The following BACH2 variants were observed in gnomAD, a reference collection of about 807,000 sequenced individuals.
The protein encoded by BACH2 is transcription regulator protein BACH2.
Under a neutral mutation model 61.8 loss-of-function variants are expected in BACH2, and 5 were observed. The ratio of observed to expected loss-of-function variants is 0.08; its 90% CI spans 0.04 to 0.17. The LOEUF is 0.17. BACH2 is among the 10% of genes least tolerant of loss of function. The pLI, the probability that BACH2 is intolerant of heterozygous loss-of-function variation, is 1.00. For missense variants in BACH2, 824 were observed against 1,091.1 expected, an observed-to-expected ratio of 0.76 and a Z score of 3.45; for synonymous variants, 446 against 440.1, an observed-to-expected ratio of 1.01 and a Z score of -0.17.
rs140360888 is a variant in BACH2 at position 89,947,963 on chromosome 6, T to C, written c.1836+2307A>G. 6.8e-3 allele frequency among the ~76,000 whole-genome samples: 1,032 copies of C among 152,312 alleles called. 12 individuals carry two copies. The highest frequency in any genetic ancestry group is 0.024 in the African/African-American group (988 of 41,566). On this transcript the variant is annotated intron_variant, in intron 7 of 8. Coordinates refer to ENST00000257749, the MANE Select transcript of BACH2 (RefSeq NM_021813.4). ...AGGCTAGTCCTGTTCATGACTATTTTACAGGTTGAATGAGTCCTCCTTTTA... is the reference window on the plus strand; with the variant it reads ...AGGCTAGTCCTGTTCATGACTATTTCACAGGTTGAATGAGTCCTCCTTTTA...
chr6:90,196,488 TC>T (rs1194109908), intron 4 of BACH2, among the ~76,000 whole-genome samples: 1 of 152,226 alleles, frequency 6.6e-6, no homozygotes, highest in Non-Finnish European at 1.5e-5. Context: ...ATATTCCTTT[TC>T]TTATCTTCAA....
chr6:89,942,859 T>C (rs762287810), intron 7 of BACH2, among the ~76,000 whole-genome samples: 2 of 152,190 alleles, frequency 1.3e-5, no homozygotes, highest in African/African-American at 2.4e-5. Context: ...GTGTTGACTC[T>C]TCCCCCTCTG....
intron 3 of BACH2, among the ~76,000 whole-genome samples, chr6:90,243,975 G>A (rs559625907): frequency 3.3e-5 from 5 of 152,308 alleles, no homozygotes; most frequent in South Asian, 2.1e-4. Flanking sequence ...AGGCTGGAGT[G>A]CAGTGGCATG....
chr6:90,258,429 T>C (rs915137632), intron 2 of BACH2, among the ~76,000 whole-genome samples: 2 of 152,200 alleles, frequency 1.3e-5, no homozygotes, highest in African/African-American at 4.8e-5. Context: ...TATGTGTCTG[T>C]TTTTATGCCT....
At chr6:90,062,244 C>T (rs1425460227) in intron 5 of BACH2, among the ~76,000 whole-genome samples, 1 of 152,182 alleles carries the variant, frequency 6.6e-6, no homozygotes, top group Admixed American at 6.5e-5. Flanking sequence ...GACTTGGGAG[C>T]TGAGTAATCT....
chr6:90,253,395 G>A (rs1048748099), intron 2 of BACH2, among the ~76,000 whole-genome samples: 1 of 152,162 alleles, frequency 6.6e-6, no homozygotes, highest in Non-Finnish European at 1.5e-5. Flanking sequence ...AGATAACTTT[G>A]AAAAAGACTT....
intron 4 of BACH2, among the ~76,000 whole-genome samples, chr6:90,115,275 T>C (rs1310066074): frequency 2.0e-5 from 3 of 152,054 alleles, no homozygotes; most frequent in Non-Finnish European, 4.4e-5. Flanking sequence ...CAAACTACAA[T>C]ATAAGGCTAT....
intron 4 of BACH2, among the ~76,000 whole-genome samples, chr6:90,118,345 A>G (rs1783487266): frequency 6.6e-6 from 1 of 152,206 alleles, no homozygotes; most frequent in Non-Finnish European, 1.5e-5. Flanking sequence ...ATACTCCACA[A>G]GTAAATATCC....
intron 5 of BACH2, among the ~76,000 whole-genome samples, chr6:90,013,602 G>A (rs1358497569): frequency 6.6e-6 from 1 of 151,084 alleles, no homozygotes; most frequent in African/African-American, 2.4e-5. Flanking sequence ...TGCCTCCTGG[G>A]TTCACGCCAT....
intron 5 of BACH2, among the ~76,000 whole-genome samples, chr6:90,027,087 C>A (rs1379807767): frequency 6.6e-6 from 1 of 152,112 alleles, no homozygotes; most frequent in South Asian, 2.1e-4. Context: ...ATGATGAAAA[C>A]CATGAGGCTA....
At chr6:89,999,379 T>C (rs1777012680) in intron 6 of BACH2, among the ~76,000 whole-genome samples, 1 of 151,908 alleles carries the variant, frequency 6.6e-6, no homozygotes, top group African/African-American at 2.4e-5. Context: ...GACAATGGCT[T>C]GCTGCCAGTT....
At chr6:90,095,585 T>G (rs1782348529) in intron 4 of BACH2, among the ~76,000 whole-genome samples, 1 of 152,194 alleles carries the variant, frequency 6.6e-6, no homozygotes, top group South Asian at 2.1e-4. Context: ...AGATTTTCAC[T>G]TCTATCATAA....
At chr6:90,191,251 C>G (rs1768560161) in intron 4 of BACH2, among the ~76,000 whole-genome samples, 1 of 152,182 alleles carries the variant, frequency 6.6e-6, no homozygotes, top group African/African-American at 2.4e-5. Flanking sequence ...TTCTAAAGAA[C>G]TCTAATTTGG....
At chr6:90,095,688 T>A (rs1219838600) in intron 4 of BACH2, among the ~76,000 whole-genome samples, 1 of 152,092 alleles carries the variant, frequency 6.6e-6, no homozygotes, top group Non-Finnish European at 1.5e-5. Flanking sequence ...TTTGAAATAA[T>A]TCTTGGATTT....
chr6:90,244,614 G>A (rs989167720), intron 3 of BACH2, among the ~76,000 whole-genome samples: 4 of 152,110 alleles, frequency 2.6e-5, no homozygotes, highest in East Asian at 1.9e-4. Flanking sequence ...CTTCACACGC[G>A]CACACATGCG....
chr6:90,280,298 C>T (rs570637872), intron 1 of BACH2, among the ~76,000 whole-genome samples: 1 of 152,018 alleles, frequency 6.6e-6, no homozygotes, highest in Non-Finnish European at 1.5e-5. Flanking sequence ...GAATCTAATC[C>T]TGTATGTTAG....
At chr6:89,947,823 G>A (rs922762555) in intron 7 of BACH2, among the ~76,000 whole-genome samples, 5 of 151,848 alleles carry the variant, frequency 3.3e-5, no homozygotes, top group East Asian at 1.9e-4. Flanking sequence ...CGCCCGCCTC[G>A]GCCTCCCAAA....
At chr6:89,953,970 A>G (rs1774269487) in intron 6 of BACH2, among the ~76,000 whole-genome samples, 1 of 152,330 alleles carries the variant, frequency 6.6e-6, no homozygotes. Context: ...AGTACTGACA[A>G]TACATCTGTT....
intron 6 of BACH2, among the ~76,000 whole-genome samples, chr6:89,970,220 A>G (rs1257074764): frequency 6.6e-6 from 1 of 152,222 alleles, no homozygotes; most frequent in Non-Finnish European, 1.5e-5. Flanking sequence ...CGTGAGGAGT[A>G]AGGACAGTGC....
Sources: gnomAD v4.1 joint callset for allele counts (sites outside exome capture counted in the v4.1 genomes callset) on GRCh38, gnomAD v4.1.1 for gene constraint, MANE v1.5 for transcripts, NCBI Gene and HGNC (gene_info 2026-07-23, HGNC 2026-07-21) for gene names.